The following CD6 variants were observed in gnomAD, a reference collection of about 807,000 sequenced individuals.
CD6 encodes CD6 molecule.
A neutral mutation model predicts 75.3 loss-of-function variants in CD6; 53 were observed. That is an observed-to-expected ratio of 0.70 (90% CI 0.56 to 0.88). CD6 has a LOEUF of 0.88. CD6 is among the 40% of genes least tolerant of loss of function. The pLI, the probability that CD6 is intolerant of heterozygous loss-of-function variation, is 0.00. For missense variants in CD6, 770 were observed against 897.1 expected, an observed-to-expected ratio of 0.86 and a Z score of 1.81; for synonymous variants, 359 against 381.5, an observed-to-expected ratio of 0.94 and a Z score of 0.69.
rs188329022 is a variant in CD6 at position 60,989,625 on chromosome 11, G to A, written c.50-16949G>A. ...CAGAGCGCAGCATGGCTCAAGAAAT[G>A]CTGCGGGAGGTGAAGTGAGTTCTAG... On this transcript the variant is annotated intron_variant, in intron 1 of 12. Coordinates refer to ENST00000313421, the MANE Select transcript of CD6 (RefSeq NM_006725.5). Among the ~76,000 whole-genome samples the A allele has an allele frequency of 1.2e-4, 18 of 152,312 alleles. No individual in the cohort carries two copies. The East Asian group carries it at 3.3e-3, about 28-fold the overall frequency.
Position 61,007,915 on chromosome 11 carries a change from G to C in CD6, c.469+5G>C. 3.0e-6 allele frequency: 4 copies of C among 1,331,284 alleles called. No homozygotes were observed. Among genetic ancestry groups the C allele is most frequent in the Non-Finnish European group, 3.8e-6 (4 of 1,043,382 alleles). The allele number at this position is 1,331,284 out of a possible 1,614,324, so 82.5% of individuals were successfully genotyped here. On this transcript the variant is annotated splice_donor_5th_base_variant and intron_variant, in intron 3 of 12. Coordinates refer to ENST00000313421, the MANE Select transcript of CD6 (RefSeq NM_006725.5). This position sits in a 1 kb window ranked among gnomAD's most constrained non-coding sequence, Gnocchi z 4.2. ...GGGCCCGTGTCACCTGTGCAGGTAC[G>C]AGCGCACCCCCTACACGGGCCCCCA...
At chr11:60,972,863 C>T (rs555472182) in intron 1 of CD6, among the ~76,000 whole-genome samples, 2 of 152,300 alleles carry the variant, frequency 1.3e-5, no homozygotes, top group Admixed American at 1.3e-4. Flanking sequence ...GCTCTCCTCT[C>T]TGCCTTGATC....
At chr11:60,980,155 C>T (rs1401947111) in intron 1 of CD6, among the ~76,000 whole-genome samples, 1 of 152,108 alleles carries the variant, frequency 6.6e-6, no homozygotes, top group East Asian at 1.9e-4. Flanking sequence ...CTGATGGGTA[C>T]ACAGGATTTC....
chr11:61,007,721 G>T lies in CD6; in HGVS notation c.280G>T (p.Ala94Ser). Residue 94 changes from alanine (A) to serine (S), a missense_variant, in exon 3 of 13, where the codon GCC (alanine) becomes TCC (serine). Physicochemically the swap from Ala to Ser is moderately conservative, Grantham distance 99. Coordinates refer to ENST00000313421, the MANE Select transcript of CD6 (RefSeq NM_006725.5). This position sits in a 1 kb window ranked among gnomAD's most constrained non-coding sequence, Gnocchi z 4.2. The part of the protein sequence containing the change: ...RALGCGGAEA[A>S]SQLAPPTPEL... The stretch of plus-strand genomic sequence containing the variant: ...ACTGGGCTGCGGCGGGGCGGAGGCC[G>T]CCTCTCAGCTCGCCCCGCCGACCCC... 3 of 1,392,864 alleles carry T rather than the reference G, an allele frequency of 2.2e-6. No individual in the cohort carries two copies. Among genetic ancestry groups the T allele is most frequent in the Non-Finnish European group, 2.8e-6 (3 of 1,074,026 alleles). The allele number at this position is 1,392,864 out of a possible 1,614,324, so 86.3% of individuals were successfully genotyped here.
At chr11:61,017,373 C>T in intron 9 of CD6, 106 bp from the exon 10 acceptor site, 1 of 815,296 alleles carries the variant, frequency 1.2e-6, no homozygotes, top group Non-Finnish European at 2.0e-6. Flanking sequence ...GTTGTCCTCC[C>T]ACCCTATTCA....
chr11:61,013,126 A>G (rs1340877937), intron 6 of CD6, among the ~76,000 whole-genome samples: 3 of 152,232 alleles, frequency 2.0e-5, no homozygotes, highest in Admixed American at 1.3e-4. Flanking sequence ...ATAGTTGTCT[A>G]TTGAACAAAG....
At chr11:60,991,829 TTTAC>T (rs1410385351) in intron 1 of CD6, among the ~76,000 whole-genome samples, 1 of 150,006 alleles carries the variant, frequency 6.7e-6, no homozygotes, top group Non-Finnish European at 1.5e-5. Context: ...GTCCAGCTAA[TTTAC>T]TTATTTATTT....
intron 1 of CD6, among the ~76,000 whole-genome samples, chr11:60,994,312 A>G (rs189766737): frequency 1.3e-3 from 198 of 151,952 alleles, no homozygotes; most frequent in African/African-American, 4.3e-3. Context: ...GTGGTGGCAC[A>G]CACCTGTAGT....
chr11:61,008,899 T>C, intron 4 of CD6, 54 bp downstream of exon 4: 1 of 1,415,668 alleles, frequency 7.1e-7, no homozygotes, highest in Non-Finnish European at 9.3e-7. Flanking sequence ...ACCATAGGCC[T>C]ACTGGGCGCC....
chr11:60,999,420 G>C (rs1368017920), intron 1 of CD6, among the ~76,000 whole-genome samples: 1 of 151,116 alleles, frequency 6.6e-6, no homozygotes, highest in Non-Finnish European at 1.5e-5. Flanking sequence ...GATGCAGTGA[G>C]AGGACAGAAT....
chr11:61,007,987 C>A lies in CD6; in HGVS notation c.469+77C>A. The stretch of plus-strand genomic sequence containing the variant: ...TCAGCCACTGCCCCTGGCTCCAGAC[C>A]CTGGACGCAAGCCTCGCCCTCCAGA... On this transcript the variant is annotated intron_variant, in intron 3 of 12. Transcript: ENST00000313421. The surrounding 1 kb of genome is among the most constrained non-coding windows in gnomAD (Gnocchi z 4.2). 9.9e-7 allele frequency: 1 copy of A among 1,009,398 alleles called. No homozygotes were observed. The highest frequency in any genetic ancestry group is 1.3e-6 in the Non-Finnish European group (1 of 766,714). The allele number at this position is 1,009,398 out of a possible 1,614,324, so 62.5% of individuals were successfully genotyped here.
rs185117636 is a variant in CD6 at position 61,017,130 on chromosome 11, C to T, written c.1511-349C>T. 7.7e-5 allele frequency: 21 copies of T among 272,976 alleles called. No homozygotes were observed. In the East Asian group the frequency reaches 1.6e-3, roughly 20 times the overall value. The allele number at this position is 272,976 out of a possible 1,614,324, so 16.9% of individuals were successfully genotyped here. A position where few individuals can be genotyped will look rare whatever the true frequency, so the allele number is the denominator to read the frequency against. On this transcript the variant is annotated intron_variant, in intron 9 of 12. Transcript: ENST00000313421. ...TCTGGGTTTCACTCTAGGAAGGCTT[C>T]TTGAAGGAGCAAACATCTGTCCTTC...
At chr11:61,003,816 C>T (rs1858714375) in intron 1 of CD6, among the ~76,000 whole-genome samples, 2 of 152,188 alleles carry the variant, frequency 1.3e-5, no homozygotes, top group South Asian at 4.1e-4. Flanking sequence ...GATGGAAAGA[C>T]GGTTCCAGGT....
chr11:60,986,669 C>T (rs1043332832), intron 1 of CD6, among the ~76,000 whole-genome samples: 1 of 152,182 alleles, frequency 6.6e-6, no homozygotes, highest in Non-Finnish European at 1.5e-5. Context: ...ACATCTCTCC[C>T]TCTTACGGGT....
At chr11:60,985,572 G>C (rs963203221) in intron 1 of CD6, among the ~76,000 whole-genome samples, 1 of 112,250 alleles carries the variant, frequency 8.9e-6, no homozygotes, top group African/African-American at 2.6e-5. Flanking sequence ...TAAGTAAATA[G>C]AATATATATA....
At chr11:60,993,412 T>C (rs1364312300) in intron 1 of CD6, among the ~76,000 whole-genome samples, 1 of 151,514 alleles carries the variant, frequency 6.6e-6, no homozygotes, top group Non-Finnish European at 1.5e-5. Flanking sequence ...CCAGCTGCCG[T>C]CCCATAGCTA....
At chr11:60,973,573 A>C (rs577675626) in intron 1 of CD6, among the ~76,000 whole-genome samples, 1 of 130,332 alleles carries the variant, frequency 7.7e-6, no homozygotes, top group Admixed American at 7.4e-5. Context: ...AAAGGGAAAC[A>C]TAAAAACAAA....
Position 61,007,737 on chromosome 11 carries a change from C to G in CD6, c.296C>G (p.Pro99Arg), listed in dbSNP as rs1858934516. ...GCGGAGGCCGCCTCTCAGCTCGCCC[C>G]GCCGACCCCTGAGCTGCCGCCCCCG... ...GGAEAASQLA[P>R]PTPELPPPPA... The change falls in exon 3 of 13, where the codon CCG becomes CGG. Residue 99 changes from proline to arginine, a missense_variant. By Grantham distance (103) the Pro-to-Arg change is moderately radical. Coordinates refer to ENST00000313421, the MANE Select transcript of CD6 (RefSeq NM_006725.5). This position sits in a 1 kb window ranked among gnomAD's most constrained non-coding sequence, Gnocchi z 4.2. 8 of 1,416,268 alleles carry G rather than the reference C, an allele frequency of 5.6e-6. No homozygotes were observed. The highest frequency in any genetic ancestry group is 7.4e-6 in the Non-Finnish European group (8 of 1,083,282). 87.7% of individuals were successfully genotyped at this position (1,416,268 alleles called of 1,614,324 possible). A position where few individuals can be genotyped will look rare whatever the true frequency, so the allele number is the denominator to read the frequency against.
At chr11:60,999,629 C>A (rs1347692656) in intron 1 of CD6, among the ~76,000 whole-genome samples, 1 of 151,830 alleles carries the variant, frequency 6.6e-6, no homozygotes, top group Non-Finnish European at 1.5e-5. Flanking sequence ...TTTTTTTTGG[C>A]AAATATTTTT....
Sources: gnomAD v4.1 joint callset for allele counts (sites outside exome capture counted in the v4.1 genomes callset) on GRCh38, gnomAD v4.1.1 for gene constraint, Gnocchi (gnomAD v3.1) non-coding constraint, MANE v1.5 for transcripts, NCBI Gene and HGNC (gene_info 2026-07-23, HGNC 2026-07-21) for gene names.